C11orf65: variants seen among roughly 807,000 people sequenced by gnomAD.
C11orf65 encodes chromosome 11 open reading frame 65.
Under a neutral mutation model 35.3 loss-of-function variants are expected in C11orf65, and 38 were observed. The ratio of observed to expected loss-of-function variants is 1.08; its 90% CI spans 0.83 to 1.41. C11orf65 has a LOEUF of 1.41. C11orf65 is among the 40% of genes most tolerant of loss of function. C11orf65 has a pLI of 0.00. For missense variants in C11orf65, 370 were observed against 367.1 expected (o/e 1.01, Z -0.06); for synonymous variants, 105 against 114.4 (o/e 0.92, Z 0.53).
intron 7 of C11orf65, among the ~76,000 whole-genome samples, chr11:108,387,505 A>G (rs1247491245): frequency 6.6e-6 from 1 of 151,926 alleles, no homozygotes; most frequent in Non-Finnish European, 1.5e-5. Flanking sequence ...TTGCAGTAGG[A>G]GGGTATATAC....
At chr11:108,375,148 T>C (rs2091687998) in intron 2 of C11orf65, among the ~76,000 whole-genome samples, 1 of 151,808 alleles carries the variant, frequency 6.6e-6, no homozygotes, top group Non-Finnish European at 1.5e-5. Context: ...GCCACAAAGA[T>C]ACTCCTCGAG....
chr11:108,383,307 G>C (rs2091906599), intron 8 of C11orf65, 132 bp from the exon 9 acceptor site: 2 of 733,352 alleles, frequency 2.7e-6, no homozygotes, highest in African/African-American at 1.8e-5. Flanking sequence ...CCTGAAACCA[G>C]AAACACCCCA....
intron 2 of C11orf65, among the ~76,000 whole-genome samples, chr11:108,373,426 G>A (rs974505105): frequency 4.6e-5 from 7 of 152,198 alleles, no homozygotes; most frequent in Non-Finnish European, 1.0e-4. Flanking sequence ...CAGGAACAAG[G>A]CAAGGATGCC....
chr11:108,392,247 A>C (rs1316755599), intron 7 of C11orf65, among the ~76,000 whole-genome samples: 1 of 151,708 alleles, frequency 6.6e-6, no homozygotes, highest in Non-Finnish European at 1.5e-5. Context: ...GGGTCTCGCT[A>C]TGTTGCCCAG....
chr11:108,431,790 G>T lies in C11orf65; in HGVS notation c.130C>A (p.Gln44Lys). ...TTCACTATCTGACGTGGTTCTCCTT[G>T]TCTTCTTAAATCAATCAGACTTTTA... is the stretch of plus-strand genomic sequence containing the variant. Reference protein sequence around the residue: ...HFKSLIDLRRQGEPRQIVKYI... With the variant: ...HFKSLIDLRRKGEPRQIVKYI... Residue 44 changes from glutamine (Q) to lysine (K), a missense_variant, in exon 3 of 9, where the codon CAA becomes AAA. Transcript: ENST00000393084. 6.5e-7 allele frequency: 1 copy of T among 1,528,216 alleles called. No homozygotes were observed. The highest frequency in any genetic ancestry group is 8.9e-7 in the Non-Finnish European group (1 of 1,123,614). The allele number at this position is 1,528,216 out of a possible 1,614,324, so 94.7% of individuals were successfully genotyped here.
At position 108,382,896 on chromosome 11, in the gene C11orf65, A is replaced by T; in HGVS notation, c.*125T>A. 6.5e-7 allele frequency: 1 copy of T among 1,537,976 alleles called. No individual in the cohort carries two copies. The highest frequency in any genetic ancestry group is 8.7e-7 in the Non-Finnish European group (1 of 1,154,318). ...ATTTCTGCTCAATCTTCCTTACTTA[A>T]CTGAGCTAGATTCTGTGCCCAGAAT... On this transcript the variant is annotated 3_prime_UTR_variant, in exon 9 of 9. Transcript: ENST00000393084.
intron 2 of C11orf65, among the ~76,000 whole-genome samples, chr11:108,455,742 G>C (rs2093403513): frequency 6.9e-6 from 1 of 144,458 alleles, no homozygotes; most frequent in African/African-American, 2.6e-5. Context: ...CTTGAACCCA[G>C]GAAGCGGTGG....
At chr11:108,428,716 A>C (rs1398458073) in intron 3 of C11orf65, among the ~76,000 whole-genome samples, 2 of 152,206 alleles carry the variant, frequency 1.3e-5, no homozygotes, top group African/African-American at 4.8e-5. Flanking sequence ...AATGTAGATG[A>C]CAGGTTGATG....
At chr11:108,382,074 A>T (rs2091877570), downstream of C11orf65, among the ~76,000 whole-genome samples, 1 of 152,178 alleles carries the variant, frequency 6.6e-6, no homozygotes, top group Admixed American at 6.6e-5. Flanking sequence ...TTGGAGGCAG[A>T]TTCTCCAACC....
At chr11:108,457,682 G>C (rs2093424480) in intron 2 of C11orf65, among the ~76,000 whole-genome samples, 1 of 152,024 alleles carries the variant, frequency 6.6e-6, no homozygotes, top group South Asian at 2.1e-4. Flanking sequence ...TAGTGTATGA[G>C]GGTGAAAGAA....
chr11:108,394,246 A>G (rs2092251821), intron 6 of C11orf65, among the ~76,000 whole-genome samples: 1 of 152,028 alleles, frequency 6.6e-6, no homozygotes, highest in Non-Finnish European at 1.5e-5. Flanking sequence ...TTTAGAGATA[A>G]AGAAACTGAG....
At chr11:108,408,799 T>C (rs2092604278) in intron 3 of C11orf65, among the ~76,000 whole-genome samples, 1 of 151,516 alleles carries the variant, frequency 6.6e-6, no homozygotes, top group Non-Finnish European at 1.5e-5. Flanking sequence ...AAATGGAAAG[T>C]AGAGAAAAAA....
chr11:108,360,852 CA>C (rs2090646773), intron 2 of C11orf65, among the ~76,000 whole-genome samples: 2 of 101,432 alleles, frequency 2.0e-5, no homozygotes, highest in African/African-American at 4.2e-5. Flanking sequence ...ACTGAATGGG[CA>C]AAAACTGGAA....
chr11:108,348,662 G>A (rs966065298), intron 2 of C11orf65, among the ~76,000 whole-genome samples: 3 of 151,824 alleles, frequency 2.0e-5, no homozygotes, highest in Admixed American at 6.6e-5. Flanking sequence ...GAGGTTATAT[G>A]CAAAAGAACA....
chr11:108,315,251 A>C (rs2084518479), intron 6 of C11orf65, among the ~76,000 whole-genome samples: 1 of 152,262 alleles, frequency 6.6e-6, no homozygotes. Context: ...CTGCAAAATT[A>C]TTACAATAGT....
intron 3 of C11orf65, among the ~76,000 whole-genome samples, chr11:108,412,591 C>T (rs138914503): frequency 6.6e-6 from 1 of 152,206 alleles, no homozygotes; most frequent in Admixed American, 6.5e-5. Flanking sequence ...TTAAAATTAG[C>T]TGGGTGTGGT....
intron 2 of C11orf65, 108 bp from the exon 3 acceptor site, chr11:108,431,946 T>G: frequency 1.8e-6 from 1 of 545,174 alleles, no homozygotes; most frequent in South Asian, 4.6e-5. Context: ...AAATAGATTT[T>G]TATGTATCCA....
chr11:108,464,383 G>A (rs1409081377), intron 1 of C11orf65, among the ~76,000 whole-genome samples: 5 of 151,894 alleles, frequency 3.3e-5, no homozygotes, highest in Non-Finnish European at 5.9e-5. Context: ...TGCAACCTCC[G>A]CCTCCTGGGT....
chr11:108,427,544 C>T (rs2092920606), intron 3 of C11orf65, among the ~76,000 whole-genome samples: 1 of 150,286 alleles, frequency 6.7e-6, no homozygotes, highest in African/African-American at 2.4e-5. Context: ...ACGGTGAAAC[C>T]CCGTCTCTAC....
Sources: allele counts gnomAD v4.1 joint callset (sites outside exome capture counted in the v4.1 genomes callset), GRCh38; gene constraint gnomAD v4.1.1; transcripts MANE v1.5; gene names NCBI Gene and HGNC (gene_info 2026-07-23, HGNC 2026-07-21).